The following ERO1A variants were observed in gnomAD, a reference collection of about 807,000 sequenced individuals.
ERO1A encodes the protein endoplasmic reticulum oxidoreductase 1 alpha.
A neutral mutation model predicts 76.9 loss-of-function variants in ERO1A; 49 were observed. The ratio of observed to expected loss-of-function variants is 0.64; its 90% confidence interval spans 0.51 to 0.81. The LOEUF is 0.81. Ranked by LOEUF, ERO1A falls within the 30% of genes least tolerant of loss-of-function variation. ERO1A has a pLI of 0.00. For missense variants in ERO1A, 448 were observed against 542.1 expected (o/e 0.83, Z 1.72); for synonymous variants, 174 against 181.2 (o/e 0.96, Z 0.32).
chr14:52,683,849 T>C lies in ERO1A; in HGVS notation c.173A>G (p.Asn58Ser). 1 of 1,584,826 alleles carries C rather than the reference T, an allele frequency of 6.3e-7. No individual in the cohort carries two copies. Among genetic ancestry groups the C allele is most frequent in the Non-Finnish European group, 8.6e-7 (1 of 1,157,976 alleles). ...TTGTAGTCTTGGGAAAAGCCTGTAGTTATTAAATCTATCAATGGTTTCAAC... is the reference window on the plus strand; with the variant it reads ...TTGTAGTCTTGGGAAAAGCCTGTAGCTATTAAATCTATCAATGGTTTCAAC... ...CDVETIDRFN[N>S]YRLFPRLQKL... The change falls in exon 2 of 16, where the codon AAC becomes AGC. Residue 58 changes from asparagine (N) to serine (S), a missense_variant. Around this residue, in one of 2 missense-constraint regions of ERO1A, gnomAD observed 146 missense variants for 130.2 expected, o/e 1.12. Coordinates refer to ENST00000395686, the MANE Select transcript of ERO1A (RefSeq NM_014584.3).
At chr14:52,672,800 A>C (rs1280643206) in intron 4 of ERO1A, among the ~76,000 whole-genome samples, 3 of 150,830 alleles carry the variant, frequency 2.0e-5, no homozygotes, top group South Asian at 4.2e-4. Context: ...AAAACAAAAA[A>C]CAAACAAACA....
chr14:52,674,448 G>A (rs2040714765), intron 4 of ERO1A, among the ~76,000 whole-genome samples: 1 of 152,056 alleles, frequency 6.6e-6, no homozygotes, highest in Non-Finnish European at 1.5e-5. Context: ...ATCCTCACAT[G>A]GTGGCCTCCA....
At chr14:52,672,874 T>A (rs1193020707) in intron 4 of ERO1A, among the ~76,000 whole-genome samples, 1 of 150,828 alleles carries the variant, frequency 6.6e-6, no homozygotes, top group African/African-American at 2.4e-5. Flanking sequence ...ACATCTCAGA[T>A]CAGAATATAA....
intron 9 of ERO1A, among the ~76,000 whole-genome samples, chr14:52,660,965 C>T (rs928285475): frequency 2.6e-5 from 4 of 152,188 alleles, no homozygotes; most frequent in African/African-American, 9.7e-5. Flanking sequence ...CCCAGCAGAT[C>T]CTAGAGTTCA....
intron 7 of ERO1A, 73 bp from the exon 8 acceptor site, chr14:52,663,920 T>G: frequency 1.2e-6 from 1 of 831,440 alleles, no homozygotes; most frequent in Non-Finnish European, 2.0e-6. Context: ...TGATATTATC[T>G]CAGAAAACTG....
intron 2 of ERO1A, 99 bp from the exon 3 acceptor site, chr14:52,682,507 G>T: frequency 1.2e-6 from 1 of 829,656 alleles, no homozygotes; most frequent in South Asian, 1.7e-5. Context: ...CATGTTATCA[G>T]GTGCAAATAC....
chr14:52,651,845 A>T (rs1034423352), intron 13 of ERO1A, among the ~76,000 whole-genome samples: 1 of 152,126 alleles, frequency 6.6e-6, no homozygotes, highest in African/African-American at 2.4e-5. Flanking sequence ...TATATAATGC[A>T]TTATTACCAT....
At chr14:52,658,968 A>G (rs1373959545) in intron 9 of ERO1A, among the ~76,000 whole-genome samples, 1 of 152,190 alleles carries the variant, frequency 6.6e-6, no homozygotes, top group Non-Finnish European at 1.5e-5. Flanking sequence ...AATGTTAAAA[A>G]TGAACCAAAC....
intron 7 of ERO1A, 180 bp from the exon 8 acceptor site, chr14:52,664,027 T>A (rs1446732470): frequency 2.2e-6 from 1 of 449,752 alleles, no homozygotes; most frequent in African/African-American, 2.1e-5. Context: ...GTAGTGATAA[T>A]AGTTCCTGAT....
chr14:52,663,469 G>A (rs1348844858), intron 8 of ERO1A, among the ~76,000 whole-genome samples: 3 of 151,636 alleles, frequency 2.0e-5, no homozygotes, highest in Admixed American at 6.6e-5. Flanking sequence ...GCGTTGTGGC[G>A]GGCGCCTGTA....
intron 1 of ERO1A, among the ~76,000 whole-genome samples, chr14:52,687,660 T>G (rs1043039290): frequency 6.6e-6 from 1 of 152,168 alleles, no homozygotes; most frequent in Non-Finnish European, 1.5e-5. Context: ...CTACGCTATA[T>G]CCCAAAGTAA....
At chr14:52,658,285 T>G (rs756337541) in intron 9 of ERO1A, 135 bp from the exon 10 acceptor site, 95 of 629,344 alleles carry the variant, frequency 1.5e-4, no homozygotes, top group Non-Finnish European at 2.1e-4. Context: ...GTCCAAGTCT[T>G]AATTGCAATT....
chr14:52,687,196 T>C (rs939700391), intron 1 of ERO1A, among the ~76,000 whole-genome samples: 3 of 152,112 alleles, frequency 2.0e-5, no homozygotes, highest in African/African-American at 7.2e-5. Context: ...GAGGCCAAGG[T>C]TGGTAGGTCT....
At chr14:52,678,559 T>A (rs1292459430) in intron 3 of ERO1A, 87 bp from the exon 4 acceptor site, 18 of 1,168,266 alleles carry the variant, frequency 1.5e-5, no homozygotes, top group Non-Finnish European at 2.1e-5. Flanking sequence ...ATGAGAAAAA[T>A]TCATATAACA....
chr14:52,671,028 CTT>C (rs1470264976), intron 6 of ERO1A, among the ~76,000 whole-genome samples: 4 of 152,186 alleles, frequency 2.6e-5, no homozygotes, highest in Non-Finnish European at 5.9e-5. Flanking sequence ...CTCTGATAAT[CTT>C]TAATCTACTT....
In ERO1A at chr14:52,640,872, G is replaced by C. The variant is rs982158075; in HGVS notation, c.*2698C>G. On this transcript the variant is annotated 3_prime_UTR_variant, in exon 16 of 16. Coordinates refer to ENST00000395686, the MANE Select transcript of ERO1A (RefSeq NM_014584.3). ...TTTTAAGACACACACAGGTGTCTCT[G>C]GGACAACCAAGAAAAGTGCAACAGG... 1.3e-5 allele frequency: 2 copies of C among 152,112 alleles called. No individual in the cohort carries two copies. Among genetic ancestry groups the C allele is most frequent in the African/African-American group, 2.4e-5 (1 of 41,420 alleles). 9.4% of individuals were successfully genotyped at this position (152,112 alleles called of 1,614,324 possible).
At chr14:52,657,433 T>C (rs942007755) in intron 11 of ERO1A, among the ~76,000 whole-genome samples, 1 of 152,218 alleles carries the variant, frequency 6.6e-6, no homozygotes, top group African/African-American at 2.4e-5. Context: ...AGTTTCTATA[T>C]TTTGTTTCTC....
intron 1 of ERO1A, among the ~76,000 whole-genome samples, chr14:52,689,198 C>T (rs1256549838): frequency 1.3e-5 from 2 of 152,206 alleles, no homozygotes; most frequent in Non-Finnish European, 2.9e-5. Flanking sequence ...AGGTGATCCA[C>T]CCGCCTCAGC....
chr14:52,686,267 T>C (rs1025486763), intron 1 of ERO1A, among the ~76,000 whole-genome samples: 8 of 152,180 alleles, frequency 5.3e-5, no homozygotes, highest in African/African-American at 9.7e-5. Context: ...ATGAATGTTG[T>C]CCATTGTCAC....
Sources: allele counts gnomAD v4.1 joint callset (sites outside exome capture counted in the v4.1 genomes callset), GRCh38; gene constraint gnomAD v4.1.1; regional missense constraint gnomAD v4.1.1; transcripts MANE v1.5; gene names NCBI Gene and HGNC (gene_info 2026-07-23, HGNC 2026-07-21).